WDR59: variants seen among roughly 807,000 people sequenced by gnomAD.
The protein encoded by WDR59 is GATOR2 complex protein WDR59.
Under a neutral mutation model 131.2 loss-of-function variants are expected in WDR59, and 100 were observed. The ratio of observed to expected loss-of-function variants is 0.76; its 90% CI spans 0.65 to 0.90. WDR59 has a LOEUF of 0.90. Among genes scored for constraint, WDR59 ranks in the 40% least tolerant of loss-of-function variants. WDR59 has a pLI of 0.00. For missense variants in WDR59, 1,203 were observed against 1,262.2 expected (o/e 0.95, Z 0.71); for synonymous variants, 601 against 466.2 (o/e 1.29, Z -3.72).
chr16:74,967,387 G>C lies in WDR59; in HGVS notation c.55-1565C>G, dbSNP rs2033817881. On this transcript the variant is annotated intron_variant, in intron 1 of 25. Transcript: ENST00000262144. ...GAGGGCAAGATGGTTCCTCTAACAA[G>C]ATCTGTGTAATCTTTCTGGGGAGTC... 2.0e-5 allele frequency among the ~76,000 whole-genome samples: 3 copies of C among 152,170 alleles called. No individual in the cohort carries two copies. The South Asian group carries it at 6.2e-4, about 32-fold the overall frequency.
chr16:74,888,271 G>C lies in WDR59; in HGVS notation c.2244C>G (p.Leu748=). ...GAGACTGGGCTTCAAACACGCTACA[G>C]AGCATCGCCAGTGTCTGAACATCCC... ...RLRDVQTLAM[L]CSVFEAQSRP... Residue 748 remains leucine (L), a synonymous_variant, in exon 22 of 26, where the codon CTC becomes CTG. Coordinates refer to ENST00000262144, the MANE Select transcript of WDR59 (RefSeq NM_030581.4). 6.2e-7 allele frequency: 1 copy of C among 1,614,068 alleles called. No individual in the cohort carries two copies. Among genetic ancestry groups the C allele is most frequent in the Non-Finnish European group, 8.5e-7 (1 of 1,179,972 alleles).
At chr16:74,909,958 T>A (rs1178367509) in intron 14 of WDR59, 41 bp from the exon 15 acceptor site, 1 of 1,467,076 alleles carries the variant, frequency 6.8e-7, no homozygotes, top group Non-Finnish European at 9.2e-7. Flanking sequence ...AGGAACACAT[T>A]TCTCTGATAG....
chr16:74,965,516 A>G (rs1319572747), intron 2 of WDR59, among the ~76,000 whole-genome samples: 6 of 152,172 alleles, frequency 3.9e-5, no homozygotes, highest in African/African-American at 1.2e-4. Flanking sequence ...GTCTTGCAGT[A>G]AACAGAAAAC....
At chr16:74,880,243 C>T (rs1437934572) in intron 25 of WDR59, among the ~76,000 whole-genome samples, 2 of 151,986 alleles carry the variant, frequency 1.3e-5, no homozygotes, top group Admixed American at 6.6e-5. Flanking sequence ...GTCAGGAGAT[C>T]GAGACCATCC....
At chr16:74,967,242 C>T (rs1274065356) in intron 1 of WDR59, among the ~76,000 whole-genome samples, 1 of 152,162 alleles carries the variant, frequency 6.6e-6, no homozygotes, top group Non-Finnish European at 1.5e-5. Flanking sequence ...AACATGCATC[C>T]TTCAGTGCAC....
At chr16:74,963,345 C>G (rs182690942) in intron 2 of WDR59, 1 of 152,200 alleles carries the variant, frequency 6.6e-6, no homozygotes, top group African/African-American at 2.4e-5. Flanking sequence ...AATCCAAACG[C>G]CCACCAATGA....
rs1279052760 is a variant in WDR59, at chr16:74,936,063, T to C, written c.651+2087A>G. ...AATAAATCAAATACCATGCCAAAAATCTCATTTCATTAATAAGCTAAGCCT... is the reference window on the plus strand; with the variant it reads ...AATAAATCAAATACCATGCCAAAAACCTCATTTCATTAATAAGCTAAGCCT... On this transcript the variant is annotated intron_variant, in intron 8 of 25. Coordinates refer to ENST00000262144, the MANE Select transcript of WDR59 (RefSeq NM_030581.4). Among the ~76,000 whole-genome samples, 3 of 151,142 alleles carry C rather than the reference T, an allele frequency of 2.0e-5. No homozygotes were observed. In the East Asian group the frequency reaches 5.8e-4, roughly 29 times the overall value.
Position 74,874,218 on chromosome 16 carries a change from G to A in WDR59, c.2916C>T (p.Ser972=). The part of the protein sequence containing the change: ...TGCGCHCLLE[S]TF ...CCCAACTTCTGTAGGTTCAGAAAGT[G>A]CTTTCAAGCAGGCAGTGGCACCCAC... is the stretch of plus-strand genomic sequence containing the variant. The change falls in exon 26 of 26, where the codon AGC becomes AGT. Residue 972 remains serine, a synonymous_variant. Coordinates refer to ENST00000262144, the MANE Select transcript of WDR59 (RefSeq NM_030581.4). 1 of 1,613,644 alleles carries A rather than the reference G, an allele frequency of 6.2e-7. No homozygotes were observed. The highest frequency in any genetic ancestry group is 1.1e-5 in the South Asian group (1 of 91,024).
rs201966194 is a variant in WDR59 at position 74,959,615 on chromosome 16, TAATAAAATAA to T, written c.105-3015_105-3006del. 1.1e-3 allele frequency: 468 copies of T among 424,174 alleles called. 4 individuals are homozygous for T. Among genetic ancestry groups the T allele is most frequent in the African/African-American group, 7.8e-3 (375 of 48,200 alleles). 26.3% of individuals were successfully genotyped at this position (424,174 alleles called of 1,614,324 possible). On this transcript the variant is annotated intron_variant, in intron 2 of 25. Transcript: ENST00000262144. ...TATCTGCATAAAGAAAAAAAAATTA[TAATAAAATAA>T]AATAAAATTAGCCAGGTGTGGTGAC...
In WDR59 at chr16:74,942,971, T is replaced by C. The variant is rs988571971; in HGVS notation, c.446-145A>G. 1.6e-5 allele frequency: 11 copies of C among 679,018 alleles called. No homozygotes were observed. The East Asian group carries it at 2.9e-4, about 18-fold the overall frequency. 42.1% of individuals were successfully genotyped at this position (679,018 alleles called of 1,614,324 possible). The stretch of plus-strand genomic sequence containing the variant: ...TTCTGTGACTGCACCAACTCCACTA[T>C]TCCAGATAAAATGAAGCCAAAAAAT... On this transcript the variant is annotated intron_variant, in intron 6 of 25. Transcript: ENST00000262144.
rs529190614 is a variant in WDR59 at position 74,911,186 on chromosome 16, A to C, written c.1389+1012T>G. 6.8e-4 allele frequency among the ~76,000 whole-genome samples: 102 copies of C among 150,216 alleles called. 1 individual carries two copies. Among genetic ancestry groups the C allele is most frequent in the Middle Eastern group, 3.4e-3 (1 of 294 alleles). ...GAAAAGGTCTGATTTTTCACACACA[A>C]AAGAGTTCGCAACCTAATCGTATCA... On this transcript the variant is annotated intron_variant, in intron 14 of 25. Coordinates refer to ENST00000262144, the MANE Select transcript of WDR59 (RefSeq NM_030581.4).
chr16:74,903,672 G>A (rs1186998043), intron 18 of WDR59, among the ~76,000 whole-genome samples: 1 of 151,894 alleles, frequency 6.6e-6, no homozygotes, highest in East Asian at 1.9e-4. Flanking sequence ...AATCAACTCA[G>A]GGAGTGGAGA....
intron 1 of WDR59, among the ~76,000 whole-genome samples, chr16:74,973,565 G>A (rs113400182): frequency 6.6e-6 from 1 of 152,218 alleles, no homozygotes; most frequent in African/African-American, 2.4e-5. Flanking sequence ...AAGATTACAA[G>A]GCGTGAGCCA....
intron 1 of WDR59, among the ~76,000 whole-genome samples, chr16:74,974,063 A>G (rs1056723142): frequency 5.9e-5 from 9 of 152,144 alleles, no homozygotes; most frequent in African/African-American, 2.2e-4. Flanking sequence ...CCAGCTACTC[A>G]GGAGGCTGAG....
intron 1 of WDR59, among the ~76,000 whole-genome samples, chr16:74,970,385 C>T (rs1332067529): frequency 6.6e-6 from 1 of 150,856 alleles, no homozygotes; most frequent in Admixed American, 6.7e-5. Flanking sequence ...CAAGACATAC[C>T]TCCCCTAAGA....
chr16:74,964,123 G>A (rs1249135142), intron 2 of WDR59, among the ~76,000 whole-genome samples: 1 of 152,166 alleles, frequency 6.6e-6, no homozygotes, highest in Non-Finnish European at 1.5e-5. Flanking sequence ...GCTCACACCT[G>A]TAATCCCAGG....
intron 7 of WDR59, among the ~76,000 whole-genome samples, chr16:74,941,309 C>T (rs547473431): frequency 3.4e-5 from 5 of 146,998 alleles, no homozygotes; most frequent in African/African-American, 1.2e-4. Context: ...CTACTACACT[C>T]CAGTCTGGGT....
At chr16:74,956,941 T>G (rs1270162504) in intron 2 of WDR59, among the ~76,000 whole-genome samples, 2 of 152,204 alleles carry the variant, frequency 1.3e-5, no homozygotes, top group African/African-American at 4.8e-5. Context: ...CTGAATTAAT[T>G]AATTCCACAT....
intron 1 of WDR59, among the ~76,000 whole-genome samples, chr16:74,980,734 G>C (rs1023333410): frequency 2.6e-5 from 4 of 152,110 alleles, no homozygotes; most frequent in African/African-American, 9.7e-5. Context: ...CGCTTTGGGA[G>C]GCTGAGGCAG....
Sources: allele counts gnomAD v4.1 joint callset (sites outside exome capture counted in the v4.1 genomes callset), GRCh38; gene constraint gnomAD v4.1.1; transcripts MANE v1.5; gene names NCBI Gene and HGNC (gene_info 2026-07-23, HGNC 2026-07-21).